Variants in SESN1 observed in about 807,000 individuals in gnomAD.
SESN1 encodes sestrin-1.
Under a neutral mutation model 59.3 loss-of-function variants are expected in SESN1, and 30 were observed. The observed-to-expected ratio is 0.51, with a 90% CI of 0.38 to 0.69. SESN1 has a LOEUF of 0.69. Ranked by LOEUF, SESN1 falls within the 30% of genes least tolerant of loss-of-function variation. SESN1 has a pLI of 0.00. For synonymous variants in SESN1, 197 were observed against 219.9 expected (o/e 0.90, Z 0.92); for missense variants, 566 against 673.0 (o/e 0.84, Z 1.76).
Position 108,989,261 on chromosome 6 carries a change from C to T in SESN1, c.1425-574G>A, listed in dbSNP as rs546047488. ...CAAGTGATCTGCCCGCCTTGGCTTCCCAAAGTGCTGGGATTATGGGCGTGA... is the reference window on the plus strand; with the variant it reads ...CAAGTGATCTGCCCGCCTTGGCTTCTCAAAGTGCTGGGATTATGGGCGTGA... On this transcript the variant is annotated intron_variant, in intron 8 of 9. Transcript: ENST00000436639. Among the ~76,000 whole-genome samples the T allele has an allele frequency of 2.0e-3, 297 of 152,220 alleles. 2 individuals are homozygous for T. Among genetic ancestry groups the T allele is most frequent in the African/African-American group, 7.1e-3 (293 of 41,530 alleles).
At chr6:109,035,328 T>A (rs943915617) in intron 1 of SESN1, among the ~76,000 whole-genome samples, 5 of 152,154 alleles carry the variant, frequency 3.3e-5, no homozygotes, top group African/African-American at 1.2e-4. Flanking sequence ...AAGTCAGGTA[T>A]TTTAAGAAAT....
At chr6:109,041,487 C>T (rs903117776) in intron 1 of SESN1, among the ~76,000 whole-genome samples, 2 of 151,744 alleles carry the variant, frequency 1.3e-5, no homozygotes, top group African/African-American at 2.4e-5. Context: ...AATGAAAAAG[C>T]GGTAGAAGTT....
chr6:109,020,198 T>TA (rs576448390), intron 1 of SESN1, among the ~76,000 whole-genome samples: 3 of 152,204 alleles, frequency 2.0e-5, no homozygotes, highest in Non-Finnish European at 4.4e-5. Flanking sequence ...TTCTTTTTTT[T>TA]ATGTATTGTC....
chr6:109,040,780 G>A (rs1188501748), intron 1 of SESN1, among the ~76,000 whole-genome samples: 1 of 151,644 alleles, frequency 6.6e-6, no homozygotes, highest in Non-Finnish European at 1.5e-5. Flanking sequence ...AGCCTCCTGA[G>A]TAGCTGGAAC....
intron 5 of SESN1, 102 bp downstream of exon 5, chr6:108,998,411 G>T: frequency 7.1e-7 from 1 of 1,416,312 alleles, no homozygotes; most frequent in Non-Finnish European, 9.7e-7. Context: ...TATCTCCACA[G>T]TCTTAACAGG....
intron 1 of SESN1, among the ~76,000 whole-genome samples, chr6:109,074,473 A>G (rs1457086041): frequency 6.6e-6 from 1 of 152,214 alleles, no homozygotes; most frequent in South Asian, 2.1e-4. Context: ...CATTGTATTC[A>G]GTGGGTTAAA....
At chr6:109,061,679 C>T (rs1245458215) in intron 1 of SESN1, among the ~76,000 whole-genome samples, 1 of 152,008 alleles carries the variant, frequency 6.6e-6, no homozygotes, top group Admixed American at 6.5e-5. Context: ...TAGCACACAC[C>T]TGTAGTCTTA....
intron 1 of SESN1, among the ~76,000 whole-genome samples, chr6:109,034,949 T>C (rs1192302095): frequency 1.3e-5 from 2 of 152,204 alleles, no homozygotes; most frequent in Admixed American, 1.3e-4. Context: ...AGGGTTTCTG[T>C]CACTGGAAGC....
intron 1 of SESN1, among the ~76,000 whole-genome samples, chr6:109,046,636 A>C (rs1293166661): frequency 5.0e-5 from 7 of 138,880 alleles, no homozygotes; most frequent in Admixed American, 3.5e-4. Flanking sequence ...CTAGGAAGTG[A>C]GGAGCGCCTC....
intron 1 of SESN1, among the ~76,000 whole-genome samples, chr6:109,044,136 G>C (rs1443189859): frequency 6.6e-6 from 1 of 151,428 alleles, no homozygotes; most frequent in Non-Finnish European, 1.5e-5. Context: ...GCAACACAGG[G>C]AGACTCCACT....
intron 7 of SESN1, among the ~76,000 whole-genome samples, chr6:108,991,075 AC>A (rs1415994820): frequency 0.079 from 11,675 of 148,346 alleles, 656 homozygotes; most frequent in South Asian, 0.17. Context: ...TCAAAAAAAA[AC>A]AACAACAAAA....
chr6:109,093,688 A>G, intron 1 of SESN1, 107 bp downstream of exon 1: 1 of 1,147,064 alleles, frequency 8.7e-7, no homozygotes, highest in Non-Finnish European at 1.2e-6. Flanking sequence ...TAAACTCATA[A>G]TAAAAGTTTA....
chr6:109,006,557 G>C (rs574412958), intron 1 of SESN1, among the ~76,000 whole-genome samples: 1 of 151,722 alleles, frequency 6.6e-6, no homozygotes, highest in Non-Finnish European at 1.5e-5. Context: ...ACTAGTGAGT[G>C]GTGGAGACGG....
chr6:109,005,456 T>C (rs554681182), intron 1 of SESN1, among the ~76,000 whole-genome samples: 1 of 152,214 alleles, frequency 6.6e-6, no homozygotes, highest in African/African-American at 2.4e-5. Flanking sequence ...TGTGGCCAGA[T>C]TGACAGCACA....
At chr6:109,049,696 A>G (rs1780512724) in intron 1 of SESN1, among the ~76,000 whole-genome samples, 1 of 150,280 alleles carries the variant, frequency 6.7e-6, no homozygotes, top group South Asian at 2.1e-4. Context: ...GAGGGGACGT[A>G]TATTTATATT....
intron 9 of SESN1, 98 bp downstream of exon 9, chr6:108,988,445 A>G: frequency 9.4e-7 from 1 of 1,068,110 alleles, no homozygotes; most frequent in Non-Finnish European, 1.3e-6. Context: ...TTGGGTTGGT[A>G]GGGGTGATGG....
rs78641650 is a variant in SESN1, at chr6:109,071,353, C to CTTTTTTTT, written c.279+22434_279+22441dup. 7.2e-3 allele frequency among the ~76,000 whole-genome samples: 977 copies of CTTTTTTTT among 136,582 alleles called. 12 individuals are homozygous for CTTTTTTTT. Among genetic ancestry groups the CTTTTTTTT allele is most frequent in the African/African-American group, 0.025 (940 of 37,414 alleles). The allele number at this position is 136,582 out of a possible 152,430, so 89.6% of individuals were successfully genotyped here. On this transcript the variant is annotated intron_variant, in intron 1 of 9. Coordinates refer to ENST00000436639, the MANE Select transcript of SESN1 (RefSeq NM_014454.3). ...GCATATACAAAGATAGTTTTTGTTT[C>CTTTTTTTT]TTTTTTTTTTTTTTTACCATACTAA...
intron 1 of SESN1, among the ~76,000 whole-genome samples, chr6:109,014,674 A>G (rs757758184): frequency 5.5e-4 from 84 of 152,078 alleles, no homozygotes; most frequent in Middle Eastern, 3.4e-3. Context: ...GGAATGGGTG[A>G]TCTTGGGCTT....
chr6:108,988,477 G>A, intron 9 of SESN1, 66 bp downstream of exon 9: 2 of 1,394,304 alleles, frequency 1.4e-6, no homozygotes, highest in Non-Finnish European at 1.9e-6. Flanking sequence ...GCACCATTAG[G>A]TTAGGTGAAG....
Sources: allele counts gnomAD v4.1 joint callset (sites outside exome capture counted in the v4.1 genomes callset), GRCh38; gene constraint gnomAD v4.1.1; transcripts MANE v1.5; gene names NCBI Gene and HGNC (gene_info 2026-07-23, HGNC 2026-07-21).